The following ARID5B variants were observed in gnomAD, a reference collection of about 807,000 sequenced individuals.
The protein encoded by ARID5B is AT-rich interactive domain-containing protein 5B.
A neutral mutation model predicts 97.2 loss-of-function variants in ARID5B; 13 were observed. The observed-to-expected ratio is 0.13, with a 90% CI of 0.09 to 0.21. The LOEUF (loss-of-function observed/expected upper bound fraction) is 0.21. Ranked by LOEUF, ARID5B falls within the 10% of genes least tolerant of loss-of-function variation. The pLI, the probability that ARID5B is intolerant of heterozygous loss-of-function variation, is 1.00. For missense variants in ARID5B, 1,210 were observed against 1,465.3 expected (o/e 0.83, Z 2.84); for synonymous variants, 556 against 570.3 (o/e 0.97, Z 0.36).
intron 5 of ARID5B, among the ~76,000 whole-genome samples, chr10:62,056,843 G>A (rs914492966): frequency 1.3e-5 from 2 of 152,134 alleles, no homozygotes; most frequent in African/African-American, 4.8e-5. Flanking sequence ...GCTGATGCCT[G>A]CTGTCCTACT....
At chr10:61,961,577 C>T (rs1218750295) in intron 3 of ARID5B, among the ~76,000 whole-genome samples, 2 of 152,136 alleles carry the variant, frequency 1.3e-5, no homozygotes, top group Non-Finnish European at 2.9e-5. Context: ...GCCCTTTTCG[C>T]GTGTCAGTTA....
chr10:61,952,355 A>C (rs1293834864), intron 3 of ARID5B, among the ~76,000 whole-genome samples: 1 of 152,176 alleles, frequency 6.6e-6, no homozygotes. Context: ...GCCCTGCTTT[A>C]TTGAGCTCTT....
chr10:61,905,495 G>A (rs1843694128), intron 2 of ARID5B, among the ~76,000 whole-genome samples: 1 of 151,844 alleles, frequency 6.6e-6, no homozygotes, highest in African/African-American at 2.4e-5. Flanking sequence ...TAAATTGTGG[G>A]AGGCTGGATA....
intron 9 of ARID5B, among the ~76,000 whole-genome samples, chr10:62,088,669 G>A (rs570341616): frequency 1.2e-4 from 18 of 152,286 alleles, no homozygotes; most frequent in Non-Finnish European, 2.5e-4. Flanking sequence ...CTTATAATAC[G>A]AATCACTTCT....
chr10:62,014,859 T>C (rs1839263204), intron 4 of ARID5B, among the ~76,000 whole-genome samples: 1 of 152,196 alleles, frequency 6.6e-6, no homozygotes, highest in Non-Finnish European at 1.5e-5. Context: ...ATACAGAACA[T>C]TCTGCATCTA....
intron 2 of ARID5B, among the ~76,000 whole-genome samples, chr10:61,932,883 G>C (rs1178648741): frequency 6.6e-6 from 1 of 152,110 alleles, no homozygotes; most frequent in Non-Finnish European, 1.5e-5. Flanking sequence ...ATTGCTTGAG[G>C]CTAGGAGTTT....
Position 61,982,928 on chromosome 10 carries a change from C to T in ARID5B, c.503-17163C>T, listed in dbSNP as rs1349950026. On this transcript the variant is annotated intron_variant, in intron 3 of 9. Transcript: ENST00000279873. Reference sequence around the variant, plus strand: ...CTTTTTAATTTAGAAACTGGCCCTCCGATCAGAAAGAGTAAGGATGACTTT... The same window carrying T: ...CTTTTTAATTTAGAAACTGGCCCTCTGATCAGAAAGAGTAAGGATGACTTT... 2.0e-5 allele frequency among the ~76,000 whole-genome samples: 3 copies of T among 152,174 alleles called. No homozygotes were observed. In the East Asian group the frequency reaches 5.8e-4, roughly 29 times the overall value.
intron 3 of ARID5B, among the ~76,000 whole-genome samples, chr10:61,964,314 C>T (rs938811393): frequency 2.0e-5 from 3 of 152,114 alleles, no homozygotes; most frequent in African/African-American, 7.2e-5. Flanking sequence ...TATTTATTAA[C>T]CTGCAGGGAC....
At chr10:61,957,738 AAT>A (rs570658314) in intron 3 of ARID5B, among the ~76,000 whole-genome samples, 1 of 152,252 alleles carries the variant, frequency 6.6e-6, no homozygotes, top group Non-Finnish European at 1.5e-5. Flanking sequence ...GATTAAATAA[AAT>A]ATATTATTGT....
chr10:61,992,023 A>C (rs1838932397), intron 3 of ARID5B, among the ~76,000 whole-genome samples: 1 of 151,306 alleles, frequency 6.6e-6, no homozygotes. Flanking sequence ...CAATAGCGAA[A>C]CTCTGTCTCA....
intron 2 of ARID5B, among the ~76,000 whole-genome samples, chr10:61,909,807 A>G (rs192809656): frequency 1.8e-3 from 281 of 152,308 alleles, no homozygotes; most frequent in Middle Eastern, 0.017. Context: ...GTCTGTAGTC[A>G]TTTTGCACTG....
intron 4 of ARID5B, among the ~76,000 whole-genome samples, chr10:62,012,210 C>T (rs1054105233): frequency 1.3e-5 from 2 of 152,074 alleles, no homozygotes; most frequent in African/African-American, 4.8e-5. Flanking sequence ...TATAAGGAAG[C>T]TCGCGTTAAC....
intron 3 of ARID5B, among the ~76,000 whole-genome samples, chr10:61,957,548 C>A (rs569649141): frequency 6.6e-6 from 1 of 152,192 alleles, no homozygotes; most frequent in African/African-American, 2.4e-5. Flanking sequence ...GGATTACAGG[C>A]GCAAGCCACT....
chr10:61,959,965 T>A (rs1838446541), intron 3 of ARID5B, among the ~76,000 whole-genome samples: 1 of 152,168 alleles, frequency 6.6e-6, no homozygotes, highest in African/African-American at 2.4e-5. Flanking sequence ...CCTCCTGAAG[T>A]TGGTCCATGA....
At chr10:62,057,031 G>T in intron 5 of ARID5B, 86 bp from the exon 6 acceptor site, 1 of 1,299,556 alleles carries the variant, frequency 7.7e-7, no homozygotes, top group Non-Finnish European at 1.1e-6. Flanking sequence ...TCACTGAAAA[G>T]TGTTGCTGGC....
intron 2 of ARID5B, 32 bp downstream of exon 2, chr10:61,902,445 T>G (rs771736343): frequency 2.3e-5 from 37 of 1,606,064 alleles, no homozygotes; most frequent in Non-Finnish European, 3.0e-5. Flanking sequence ...CTCTTCTTTC[T>G]TTATTATTTT....
chr10:61,909,486 C>T (rs997388004), intron 2 of ARID5B, among the ~76,000 whole-genome samples: 6 of 151,904 alleles, frequency 3.9e-5, no homozygotes, highest in African/African-American at 1.2e-4. Flanking sequence ...CCACCGCGGC[C>T]GGCTAATTTT....
intron 2 of ARID5B, among the ~76,000 whole-genome samples, chr10:61,935,539 T>G (rs1194250482): frequency 6.6e-6 from 1 of 151,910 alleles, no homozygotes; most frequent in Non-Finnish European, 1.5e-5. Context: ...CAAGAACAAA[T>G]CAGTAGTTGC....
intron 7 of ARID5B, among the ~76,000 whole-genome samples, chr10:62,067,290 T>C (rs1182428992): frequency 1.3e-5 from 2 of 152,078 alleles, no homozygotes; most frequent in Non-Finnish European, 2.9e-5. Context: ...TCCATGTTGG[T>C]CAGGCTGGTC....
Sources: gnomAD v4.1 joint callset for allele counts (sites outside exome capture counted in the v4.1 genomes callset) on GRCh38, gnomAD v4.1.1 for gene constraint, MANE v1.5 for transcripts, NCBI Gene and HGNC (gene_info 2026-07-23, HGNC 2026-07-21) for gene names.